The following AQR variants were observed in gnomAD, a reference collection of about 807,000 sequenced individuals.
AQR encodes aquarius intron-binding spliceosomal factor, also known as RNA helicase aquarius.
In AQR, 61 loss-of-function variants were observed where a neutral mutation model predicts 180.5. That is an observed-to-expected ratio of 0.34 (90% confidence interval 0.28 to 0.42). The LOEUF is 0.42. Among genes scored for constraint, AQR ranks in the 10% least tolerant of loss-of-function variants. The pLI is 1.00. For missense variants in AQR, 1,281 were observed against 1,798.3 expected, an observed-to-expected ratio of 0.71 and a Z score of 5.20; for synonymous variants, 551 against 588.8, an observed-to-expected ratio of 0.94 and a Z score of 0.93.
At chr15:34,879,170 T>C (rs1387067976) in intron 27 of AQR, among the ~76,000 whole-genome samples, 1 of 152,152 alleles carries the variant, frequency 6.6e-6, no homozygotes, top group African/African-American at 2.4e-5. Flanking sequence ...TATAGTGAAA[T>C]TGTATCCCAA....
intron 30 of AQR, among the ~76,000 whole-genome samples, chr15:34,872,076 C>T (rs531063108): frequency 3.9e-5 from 6 of 152,046 alleles, no homozygotes; most frequent in Admixed American, 3.9e-4. Context: ...GTTACAAGTT[C>T]ATTTAAGTTT....
At chr15:34,865,929 C>T (rs1892732799) in intron 32 of AQR, among the ~76,000 whole-genome samples, 2 of 152,010 alleles carry the variant, frequency 1.3e-5, no homozygotes, top group Non-Finnish European at 1.5e-5. Context: ...TTGCTAAGTA[C>T]AGGGTTTCCT....
At chr15:34,919,238 C>CAAAAAAAA (rs35127817) in intron 14 of AQR, among the ~76,000 whole-genome samples, 1 of 111,276 alleles carries the variant, frequency 9.0e-6, no homozygotes. Context: ...GACTCCATCT[C>CAAAAAAAA]AAAAAAAAAA....
chr15:34,862,140 G>A (rs1398311518), intron 33 of AQR, among the ~76,000 whole-genome samples: 2 of 152,090 alleles, frequency 1.3e-5, no homozygotes, highest in African/African-American at 4.8e-5. Context: ...ATAAGAGGGA[G>A]TAGTATTTCT....
At chr15:34,915,852 A>T (rs1200792010) in intron 15 of AQR, among the ~76,000 whole-genome samples, 2 of 152,054 alleles carry the variant, frequency 1.3e-5, no homozygotes, top group Non-Finnish European at 2.9e-5. Context: ...AGGCTGAGGC[A>T]GGAGAATCAC....
At chr15:34,892,746 T>C (rs766018239) in intron 23 of AQR, among the ~76,000 whole-genome samples, 3 of 152,194 alleles carry the variant, frequency 2.0e-5, no homozygotes, top group Non-Finnish European at 4.4e-5. Flanking sequence ...AGAACACATA[T>C]ATTAGCTTAT....
At chr15:34,864,536 G>A (rs1892715723) in intron 32 of AQR, among the ~76,000 whole-genome samples, 1 of 152,108 alleles carries the variant, frequency 6.6e-6, no homozygotes, top group Non-Finnish European at 1.5e-5. Context: ...GGTAACTGAA[G>A]GTACACTGCT....
At chr15:34,914,241 T>C (rs572563983) in intron 16 of AQR, among the ~76,000 whole-genome samples, 129 of 152,342 alleles carry the variant, frequency 8.5e-4, no homozygotes, top group Non-Finnish European at 1.6e-3. Context: ...ATTTCATACT[T>C]GATGAAATTG....
At chr15:34,942,324 C>T (rs528139651) in intron 6 of AQR, among the ~76,000 whole-genome samples, 1 of 152,356 alleles carries the variant, frequency 6.6e-6, no homozygotes, top group African/African-American at 2.4e-5. Flanking sequence ...AAAATCAACA[C>T]TCCATGTGCT....
intron 27 of AQR, 139 bp from the exon 28 acceptor site, chr15:34,876,145 A>G: frequency 3.2e-6 from 2 of 616,358 alleles, no homozygotes; most frequent in Admixed American, 5.5e-5. Flanking sequence ...AAATAACAAC[A>G]TACACATTAT....
intron 11 of AQR, among the ~76,000 whole-genome samples, chr15:34,931,632 C>A (rs80222363): frequency 1.3e-5 from 2 of 152,214 alleles, no homozygotes; most frequent in South Asian, 4.1e-4. Flanking sequence ...CATGGTGAGA[C>A]CCTGTCTCTA....
chr15:34,874,596 A>G, intron 29 of AQR, 81 bp downstream of exon 29: 2 of 1,538,660 alleles, frequency 1.3e-6, no homozygotes, highest in Non-Finnish European at 1.8e-6. Flanking sequence ...CTAATAGTCT[A>G]CACAAAAGCT....
intron 15 of AQR, among the ~76,000 whole-genome samples, chr15:34,917,753 T>C (rs1893617125): frequency 6.7e-6 from 1 of 148,310 alleles, no homozygotes; most frequent in South Asian, 2.2e-4. Flanking sequence ...GAGGCTGAGG[T>C]GGGCAGATCG....
At chr15:34,904,672 T>C (rs983041353) in intron 18 of AQR, among the ~76,000 whole-genome samples, 167 bp from the exon 19 acceptor site, 1 of 150,594 alleles carries the variant, frequency 6.6e-6, no homozygotes, top group Non-Finnish European at 1.5e-5. Context: ...AATTCTAAGA[T>C]GCTGAAAGTA....
intron 22 of AQR, among the ~76,000 whole-genome samples, chr15:34,894,537 C>T (rs999310863): frequency 1.3e-5 from 2 of 151,794 alleles, no homozygotes; most frequent in Non-Finnish European, 2.9e-5. Flanking sequence ...ACAGAAAATG[C>T]TACCAGAGGA....
intron 11 of AQR, among the ~76,000 whole-genome samples, chr15:34,931,336 C>G (rs1312436018): frequency 6.6e-6 from 1 of 152,036 alleles, no homozygotes; most frequent in African/African-American, 2.4e-5. Context: ...TATGGCAGAT[C>G]AGATATTAAG....
intron 1 of AQR, among the ~76,000 whole-genome samples, chr15:34,968,392 A>C (rs892835480): frequency 5.4e-5 from 8 of 149,146 alleles, no homozygotes; most frequent in African/African-American, 1.9e-4. Context: ...AGCTGGGACC[A>C]AAGGCACCTG....
chr15:34,953,009 T>C (rs1276663368), intron 3 of AQR, 89 bp from the exon 4 acceptor site: 1 of 744,198 alleles, frequency 1.3e-6, no homozygotes, highest in African/African-American at 1.8e-5. Context: ...GGATGTTTTG[T>C]TTCCATATTA....
chr15:34,899,891 G>A (rs899251023), intron 20 of AQR, among the ~76,000 whole-genome samples: 2 of 151,864 alleles, frequency 1.3e-5, no homozygotes, highest in Admixed American at 1.3e-4. Flanking sequence ...TATGACTATT[G>A]TATTTATTTT....
Sources: gnomAD v4.1 joint callset for allele counts (sites outside exome capture counted in the v4.1 genomes callset) on GRCh38, gnomAD v4.1.1 for gene constraint, MANE v1.5 for transcripts, NCBI Gene and HGNC (gene_info 2026-07-23, HGNC 2026-07-21) for gene names.